PCSK5: variants seen among roughly 807,000 people sequenced by gnomAD.
PCSK5 encodes the protein proprotein convertase subtilisin/kexin type 5, also known as prohormone convertase 5.
In PCSK5, 129 loss-of-function variants were observed where a neutral mutation model predicts 233.2. That is an observed-to-expected ratio of 0.55 (90% CI 0.48 to 0.64). The LOEUF (loss-of-function observed/expected upper bound fraction) is 0.64, where lower values mean the gene tolerates loss of function less well. Ranked by LOEUF, PCSK5 falls within the 30% of genes least tolerant of loss-of-function variation. The probability of loss-of-function intolerance (pLI) is 0.00; values close to 1 mark genes in which losing one functional copy is unlikely to be tolerated. For missense variants in PCSK5, 2,076 were observed against 2,430.1 expected (o/e 0.85, Z 3.06); for synonymous variants, 825 against 879.2 (o/e 0.94, Z 1.09).
chr9:75,985,931 C>A (rs551487675), intron 2 of PCSK5, among the ~76,000 whole-genome samples: 1 of 152,162 alleles, frequency 6.6e-6, no homozygotes, highest in East Asian at 1.9e-4. Flanking sequence ...AACTAAAACA[C>A]CTGCTTGCAT....
In PCSK5 at chr9:76,351,517, AAAG is replaced by A. The variant is rs1830148882; in HGVS notation, c.5067+592_5067+594del. Among the ~76,000 whole-genome samples, 17 of 122,208 alleles carry A rather than the reference AAAG, an allele frequency of 1.4e-4. 2 individuals are homozygous for A. Among genetic ancestry groups the A allele is most frequent in the African/African-American group, 5.1e-4 (17 of 33,556 alleles). 80.2% of individuals were successfully genotyped at this position (122,208 alleles called of 152,430 possible). On this transcript the variant is annotated intron_variant, in intron 36 of 37. Coordinates refer to ENST00000674117, the MANE Select transcript of PCSK5 (RefSeq NM_001372043.1). ...GAAAGAAAGAAAGAAAGAAAGAAAG[AAAG>A]AAAGAAAGAAAGGAAGGAAAGAAAG...
In PCSK5 at chr9:76,295,286, A is replaced by G. The variant is rs543771360; in HGVS notation, c.3197A>G (p.His1066Arg). ...TCTTCTTCCTCTAGGTTTGATCACC[A>G]TTGTTATAAAACCTGTCCTGAGAAG... ...CAMGYYRFDH[H>R]CYKTCPEKTY... The change falls in exon 26 of 38, where the codon CAT becomes CGT. Residue 1066 changes from histidine (H) to arginine (R), a missense_variant. Transcript: ENST00000674117. 249 of 1,610,790 alleles carry G rather than the reference A, an allele frequency of 1.5e-4. 2 individuals are homozygous for G. In the South Asian group the frequency reaches 2.6e-3, roughly 17 times the overall value.
At chr9:76,067,727 G>T (rs924560462) in intron 5 of PCSK5, among the ~76,000 whole-genome samples, 1 of 152,144 alleles carries the variant, frequency 6.6e-6, no homozygotes, top group East Asian at 1.9e-4. Context: ...GAGATTGTCC[G>T]GTTGGGAAAG....
intron 20 of PCSK5, among the ~76,000 whole-genome samples, chr9:76,205,756 A>T (rs1825092635): frequency 6.6e-6 from 1 of 152,222 alleles, no homozygotes; most frequent in South Asian, 2.1e-4. Flanking sequence ...ATGTTTAGCC[A>T]TGTCTTACTG....
chr9:76,279,253 T>C (rs1419100457), intron 24 of PCSK5, among the ~76,000 whole-genome samples: 1 of 150,922 alleles, frequency 6.6e-6, no homozygotes, highest in Non-Finnish European at 1.5e-5. Context: ...CATCATTTTT[T>C]ATGGCTGCAT....
At chr9:76,234,233 T>A (rs532413637) in intron 22 of PCSK5, among the ~76,000 whole-genome samples, 1 of 152,204 alleles carries the variant, frequency 6.6e-6, no homozygotes, top group Admixed American at 6.5e-5. Flanking sequence ...TAAATTTGAG[T>A]CAAATTTAAA....
chr9:76,207,267 C>A (rs781774477), intron 20 of PCSK5, among the ~76,000 whole-genome samples: 1 of 152,304 alleles, frequency 6.6e-6, no homozygotes, highest in Non-Finnish European at 1.5e-5. Flanking sequence ...GACATGAGGA[C>A]TTGGATATCT....
intron 30 of PCSK5, among the ~76,000 whole-genome samples, chr9:76,320,578 A>T (rs1405461928): frequency 6.9e-6 from 1 of 145,908 alleles, no homozygotes; most frequent in South Asian, 2.2e-4. Flanking sequence ...GGTTCAAGCA[A>T]TTCTCCTGTC....
intron 20 of PCSK5, among the ~76,000 whole-genome samples, chr9:76,223,887 C>T (rs1262941637): frequency 6.6e-6 from 1 of 152,198 alleles, no homozygotes; most frequent in Non-Finnish European, 1.5e-5. Flanking sequence ...TTCTCTGTGT[C>T]CTTGGAATCT....
chr9:76,131,394 T>TG (rs992951963), intron 9 of PCSK5, among the ~76,000 whole-genome samples: 1 of 152,142 alleles, frequency 6.6e-6, no homozygotes, highest in African/African-American at 2.4e-5. Context: ...TACTTTATTT[T>TG]GGTGAAATTC....
chr9:76,149,589 A>G (rs1214575720), intron 10 of PCSK5, among the ~76,000 whole-genome samples: 2 of 152,254 alleles, frequency 1.3e-5, no homozygotes, highest in Non-Finnish European at 2.9e-5. Flanking sequence ...CATCAAGAAG[A>G]TCTAGGCTGG....
intron 2 of PCSK5, among the ~76,000 whole-genome samples, chr9:75,961,956 G>T (rs550343272): frequency 1.3e-5 from 2 of 152,184 alleles, no homozygotes; most frequent in African/African-American, 2.4e-5. Flanking sequence ...TATCCCCGGC[G>T]CTGTGCTCAC....
At chr9:76,141,292 C>T (rs1383704544) in intron 10 of PCSK5, among the ~76,000 whole-genome samples, 1 of 152,068 alleles carries the variant, frequency 6.6e-6, no homozygotes, top group Admixed American at 6.6e-5. Context: ...CTTTTTACAG[C>T]CTATTTTAAA....
chr9:76,177,280 G>C (rs563352388), intron 14 of PCSK5, among the ~76,000 whole-genome samples: 1 of 151,674 alleles, frequency 6.6e-6, no homozygotes, highest in African/African-American at 2.4e-5. Flanking sequence ...GGAACAGAGT[G>C]AGACTCAGTC....
chr9:76,066,390 G>A (rs1830288627), intron 5 of PCSK5, among the ~76,000 whole-genome samples: 1 of 151,834 alleles, frequency 6.6e-6, no homozygotes, highest in Non-Finnish European at 1.5e-5. Context: ...TTACTTTTTT[G>A]TGCTGTTAAC....
At chr9:76,147,550 A>C (rs1823489702) in intron 10 of PCSK5, among the ~76,000 whole-genome samples, 1 of 151,896 alleles carries the variant, frequency 6.6e-6, no homozygotes, top group South Asian at 2.1e-4. Flanking sequence ...AGAAATTCAC[A>C]TTCTGGGCCT....
intron 7 of PCSK5, 132 bp downstream of exon 7, chr9:76,072,030 T>G: frequency 1.4e-6 from 1 of 725,780 alleles, no homozygotes; most frequent in Non-Finnish European, 2.2e-6. Flanking sequence ...GGTAGGCTAA[T>G]GGAAAGAGGT....
chr9:76,004,255 G>T (rs946054256), intron 3 of PCSK5, among the ~76,000 whole-genome samples: 1 of 144,794 alleles, frequency 6.9e-6, no homozygotes, highest in African/African-American at 2.7e-5. Flanking sequence ...TTTCTTTGAT[G>T]TTTTTTTTTT....
chr9:75,926,936 T>A (rs1486417599), intron 1 of PCSK5, among the ~76,000 whole-genome samples: 1 of 152,202 alleles, frequency 6.6e-6, no homozygotes, highest in Non-Finnish European at 1.5e-5. Flanking sequence ...TGTGAACGTT[T>A]ATGAGTTTTG....
Sources: gnomAD v4.1 joint callset for allele counts (sites outside exome capture counted in the v4.1 genomes callset) on GRCh38, gnomAD v4.1.1 for gene constraint, MANE v1.5 for transcripts, NCBI Gene and HGNC (gene_info 2026-07-23, HGNC 2026-07-21) for gene names.